Variants in RGS3 observed in about 807,000 individuals in gnomAD.
RGS3 encodes regulator of G-protein signalling 3.
A neutral mutation model predicts 132.6 loss-of-function variants in RGS3; 80 were observed. That is an observed-to-expected ratio of 0.60 (90% CI 0.50 to 0.73). The LOEUF (loss-of-function observed/expected upper bound fraction) is 0.73. Ranked by LOEUF, RGS3 falls within the 30% of genes least tolerant of loss-of-function variation. The probability of loss-of-function intolerance (pLI) is 0.00; values close to 1 mark genes in which losing one functional copy is unlikely to be tolerated. For missense variants in RGS3, 1,382 were observed against 1,530.8 expected, an observed-to-expected ratio of 0.90 and a Z score of 1.62; for synonymous variants, 598 against 620.6, an observed-to-expected ratio of 0.96 and a Z score of 0.54.
Position 113,591,544 on chromosome 9 carries a change from T to G in RGS3, c.3080+147T>G. ...CAGACACCAAGGAAAAACTGGATCT[T>G]GGAACTTTGCAGTGACCCCAAAGTG... On this transcript the variant is annotated intron_variant, in intron 21 of 24. Transcript: ENST00000350696. This position sits in a 1 kb window ranked among gnomAD's most constrained non-coding sequence, Gnocchi z 4.4. 1.4e-6 allele frequency: 1 copy of G among 730,144 alleles called. No homozygotes were observed. The highest frequency in any genetic ancestry group is 2.4e-6 in the Non-Finnish European group (1 of 418,768). 45.2% of individuals were successfully genotyped at this position (730,144 alleles called of 1,614,324 possible). A position where few individuals can be genotyped will look rare whatever the true frequency, so the allele number is the denominator to read the frequency against.
intron 9 of RGS3, among the ~76,000 whole-genome samples, 175 bp from the exon 8 acceptor site, chr9:113,497,850 C>T (rs992041516): frequency 2.0e-5 from 3 of 152,150 alleles, no homozygotes; most frequent in African/African-American, 7.2e-5. Context: ...CACATGCAGC[C>T]CTGGCTCCTG....
intron 14 of RGS3, among the ~76,000 whole-genome samples, chr9:113,511,636 A>C (rs1831407472): frequency 6.6e-6 from 1 of 152,136 alleles, no homozygotes. Context: ...TGTGTTGGGT[A>C]CTTCAGGTGA....
At chr9:113,522,967 C>T (rs1832030904) in exon 17 of RGS3, 1 of 1,613,950 alleles carries the variant, frequency 6.2e-7, no homozygotes, top group African/African-American at 1.3e-5. Context: ...CTGCTCTTCA[C>T]CAAGGAGGAC....
chr9:113,449,181 G>C (rs1396111202), intron 1 of RGS3, among the ~76,000 whole-genome samples: 1 of 152,178 alleles, frequency 6.6e-6, no homozygotes, highest in East Asian at 1.9e-4. Flanking sequence ...AGCAAGACCA[G>C]TTAGGAGGCT....
intron 7 of RGS3, among the ~76,000 whole-genome samples, chr9:113,493,373 C>A (rs1421003934): frequency 6.6e-6 from 1 of 152,148 alleles, no homozygotes; most frequent in Non-Finnish European, 1.5e-5. Flanking sequence ...AAGAAGGCAG[C>A]AGATGGAGCC....
At chr9:113,546,165 C>T (rs773736974) in intron 19 of RGS3, among the ~76,000 whole-genome samples, 6 of 152,212 alleles carry the variant, frequency 3.9e-5, no homozygotes, top group Non-Finnish European at 7.3e-5. Flanking sequence ...TTTTCCCCTT[C>T]TCTAAACTCA....
chr9:113,553,146 T>C (rs944786042), intron 19 of RGS3, among the ~76,000 whole-genome samples: 1 of 151,902 alleles, frequency 6.6e-6, no homozygotes, highest in African/African-American at 2.4e-5. Context: ...TTGTAACTCA[T>C]CTATAAAGAT....
At chr9:113,518,324 T>G (rs1039214022) in intron 16 of RGS3, among the ~76,000 whole-genome samples, 3 of 152,232 alleles carry the variant, frequency 2.0e-5, no homozygotes, top group African/African-American at 7.2e-5. Context: ...TAGAGCTGCC[T>G]TGGCTGAGTC....
At chr9:113,513,266 C>A (rs1272889775) in intron 14 of RGS3, among the ~76,000 whole-genome samples, 1 of 151,768 alleles carries the variant, frequency 6.6e-6, no homozygotes, top group African/African-American at 2.4e-5. Flanking sequence ...GGGTGTGTGT[C>A]CATCAGTGTC....
At chr9:113,502,091 C>G (rs1247547149) in intron 10 of RGS3, among the ~76,000 whole-genome samples, 1 of 152,174 alleles carries the variant, frequency 6.6e-6, no homozygotes, top group Non-Finnish European at 1.5e-5. Flanking sequence ...ACTTTCCTCT[C>G]CCCTACTGCT....
intron 19 of RGS3, among the ~76,000 whole-genome samples, chr9:113,554,599 G>A (rs899774931): frequency 5.9e-5 from 9 of 152,204 alleles, no homozygotes; most frequent in Non-Finnish European, 1.3e-4. Context: ...GAGCCACTGC[G>A]TCCAGCCTCA....
At chr9:113,532,677 A>C (rs537116985) in intron 18 of RGS3, among the ~76,000 whole-genome samples, 1 of 152,318 alleles carries the variant, frequency 6.6e-6, no homozygotes, top group Non-Finnish European at 1.5e-5. Context: ...TCGTTGGAAG[A>C]AATGTCGAGG....
chr9:113,518,889 C>T (rs2119391404), intron 16 of RGS3, among the ~76,000 whole-genome samples: 1 of 152,252 alleles, frequency 6.6e-6, no homozygotes, highest in Middle Eastern at 3.4e-3. Flanking sequence ...GGACCTAAGT[C>T]TGGCATCCAA....
Position 113,573,890 on chromosome 9 carries a change from G to T in RGS3, c.2038-9560G>T, listed in dbSNP as rs1834395598. Among the ~76,000 whole-genome samples the T allele has an allele frequency of 2.6e-5, 4 of 152,222 alleles. No homozygotes were observed. In the South Asian group the frequency reaches 8.3e-4, roughly 31 times the overall value. On this transcript the variant is annotated intron_variant, in intron 19 of 24. Transcript: ENST00000350696. ...GGGAAGGAGGAAGTGAAGACGGCAGGAAAGGAGATCACAGAGGAGTAGAAA... is the reference window on the plus strand; with the variant it reads ...GGGAAGGAGGAAGTGAAGACGGCAGTAAAGGAGATCACAGAGGAGTAGAAA...
intron 19 of RGS3, among the ~76,000 whole-genome samples, chr9:113,538,293 A>G (rs1367483161): frequency 6.6e-6 from 1 of 152,146 alleles, no homozygotes; most frequent in Non-Finnish European, 1.5e-5. Flanking sequence ...AGGTTCTTCT[A>G]CTGAGCAGAG....
chr9:113,521,090 G>T (rs538713725), intron 16 of RGS3, among the ~76,000 whole-genome samples: 4 of 152,304 alleles, frequency 2.6e-5, no homozygotes, highest in Admixed American at 2.6e-4. Flanking sequence ...CAGAAAGGAA[G>T]CGTTCAACAC....
intron 7 of RGS3, among the ~76,000 whole-genome samples, chr9:113,494,490 C>T (rs1196983732): frequency 1.3e-5 from 2 of 152,186 alleles, no homozygotes; most frequent in Non-Finnish European, 2.9e-5. Context: ...TCTGTTGCTG[C>T]AACTGCCTCC....
rs561740204 is a variant in RGS3, at chr9:113,468,241, G to A, written c.415+6040G>A. ...AGTTAATTTTTGTGTATGGTATGAG[G>A]TAAGAGTTCAACTTCATTGTTTTTT... On this transcript the variant is annotated intron_variant, in intron 3 of 24. Coordinates refer to ENST00000350696, the Ensembl canonical transcript of RGS3. Among the ~76,000 whole-genome samples, 13 of 152,288 alleles carry A rather than the reference G, an allele frequency of 8.5e-5. No homozygotes were observed. The South Asian group carries it at 2.7e-3, about 32-fold the overall frequency.
In RGS3 at chr9:113,537,985, A is replaced by G. The variant is rs761168556; in HGVS notation, c.2037+1067A>G. Reference sequence around the variant, plus strand: ...CTAGCTAGTGGCAAGAATAACTTGGATGAGGGAAGACAGTAGGAAAAGCAC... The same window carrying G: ...CTAGCTAGTGGCAAGAATAACTTGGGTGAGGGAAGACAGTAGGAAAAGCAC... On this transcript the variant is annotated intron_variant, in intron 19 of 24. Transcript: ENST00000350696. The surrounding 1 kb of genome is among the most constrained non-coding windows in gnomAD (Gnocchi z 4.3). Among the ~76,000 whole-genome samples the G allele has an allele frequency of 6.6e-6, 1 of 152,206 alleles. No homozygotes were observed. The highest frequency in any genetic ancestry group is 6.5e-5 in the Admixed American group (1 of 15,274).
Sources: gnomAD v4.1 joint callset for allele counts (sites outside exome capture counted in the v4.1 genomes callset) on GRCh38, gnomAD v4.1.1 for gene constraint, Gnocchi (gnomAD v3.1) non-coding constraint, MANE v1.5 for transcripts, NCBI Gene and HGNC (gene_info 2026-07-23, HGNC 2026-07-21) for gene names.